SPAG6: variants seen among roughly 807,000 people sequenced by gnomAD.
SPAG6 encodes the protein sperm associated antigen 6.
In SPAG6, 49 loss-of-function variants were observed where a neutral mutation model predicts 58.5. The observed-to-expected ratio is 0.84, with a 90% CI of 0.67 to 1.06. The LOEUF (loss-of-function observed/expected upper bound fraction) is 1.06, where lower values mean the gene tolerates loss of function less well. Ranked by LOEUF, SPAG6 falls within the 50% of genes least tolerant of loss-of-function variation. The probability of loss-of-function intolerance (pLI) is 0.00; values close to 1 mark genes in which losing one functional copy is unlikely to be tolerated. For missense variants in SPAG6, 560 were observed against 611.3 expected (o/e 0.92, Z 0.89); for synonymous variants, 233 against 225.6 (o/e 1.03, Z -0.29).
intron 8 of SPAG6, among the ~76,000 whole-genome samples, chr10:22,398,753 G>A (rs1056683604): frequency 1.3e-5 from 2 of 151,960 alleles, no homozygotes; most frequent in African/African-American, 4.8e-5. Context: ...TTAACATTAA[G>A]AAAATGAAAA....
At chr10:22,366,160 A>G (rs929514543) in intron 3 of SPAG6, among the ~76,000 whole-genome samples, 1 of 152,230 alleles carries the variant, frequency 6.6e-6, no homozygotes, top group Non-Finnish European at 1.5e-5. Context: ...GGTGAAAGCA[A>G]CCTAATCCAA....
At chr10:22,350,459 C>T (rs1195089858) in intron 2 of SPAG6, among the ~76,000 whole-genome samples, 1 of 151,902 alleles carries the variant, frequency 6.6e-6, no homozygotes, top group Non-Finnish European at 1.5e-5. Flanking sequence ...AAAAACTAAG[C>T]TGTAGATGAG....
At chr10:22,372,364 TA>T (rs1460227062) in intron 4 of SPAG6, among the ~76,000 whole-genome samples, 2 of 152,246 alleles carry the variant, frequency 1.3e-5, no homozygotes, top group African/African-American at 4.8e-5. Flanking sequence ...TTCCAAGGAA[TA>T]GTCTTGCTTT....
At chr10:22,385,613 T>C (rs562926600) in intron 4 of SPAG6, among the ~76,000 whole-genome samples, 40 of 152,296 alleles carry the variant, frequency 2.6e-4, no homozygotes, top group African/African-American at 7.5e-4. Flanking sequence ...GTTTATACAA[T>C]ATTGGGACTT....
Position 22,389,264 on chromosome 10 carries a change from T to C in SPAG6, c.957T>C (p.Tyr319=). ...TGCCTGGCATCATGATGCTTGGTTATGTAGCAGCTCATTCTGAGAACCTAG... is the reference window on the plus strand; with the variant it reads ...TGCCTGGCATCATGATGCTTGGTTACGTAGCAGCTCATTCTGAGAACCTAG... ...TRLPGIMMLG[Y]VAAHSENLAM... The change falls in exon 7 of 11, where the codon TAT becomes TAC. Residue 319 remains tyrosine (Y), a synonymous_variant. Coordinates refer to ENST00000376624, the MANE Select transcript of SPAG6 (RefSeq NM_012443.4). 2 of 1,612,842 alleles carry C rather than the reference T, an allele frequency of 1.2e-6. No homozygotes were observed. The highest frequency in any genetic ancestry group is 1.7e-6 in the Non-Finnish European group (2 of 1,179,720).
At chr10:22,352,445 T>C (rs532617172) in intron 2 of SPAG6, among the ~76,000 whole-genome samples, 10 of 152,348 alleles carry the variant, frequency 6.6e-5, no homozygotes, top group African/African-American at 2.2e-4. Flanking sequence ...GTAACTGCTA[T>C]AAATCTGTGA....
At chr10:22,369,785 T>C (rs1330098909) in intron 4 of SPAG6, among the ~76,000 whole-genome samples, 2 of 152,208 alleles carry the variant, frequency 1.3e-5, no homozygotes, top group Non-Finnish European at 2.9e-5. Flanking sequence ...AACATATTAG[T>C]ATTAATAATG....
At chr10:22,357,881 A>C (rs1818927416) in intron 2 of SPAG6, among the ~76,000 whole-genome samples, 1 of 151,888 alleles carries the variant, frequency 6.6e-6, no homozygotes, top group South Asian at 2.1e-4. Context: ...GATGATTTCC[A>C]GCTTCATCCA....
chr10:22,379,548 C>T (rs1833903390), intron 4 of SPAG6, among the ~76,000 whole-genome samples: 1 of 152,138 alleles, frequency 6.6e-6, no homozygotes, highest in African/African-American at 2.4e-5. Context: ...ACTAAAGATT[C>T]CCTTTAACCC....
rs118026206 is a variant in SPAG6 at position 22,349,511 on chromosome 10, G to A, written c.121+3693G>A. Among the ~76,000 whole-genome samples the A allele has an allele frequency of 2.1e-3, 315 of 152,228 alleles. 1 individual carries two copies. The highest frequency in any genetic ancestry group is 3.5e-3 in the Non-Finnish European group (240 of 68,010). ...TAAAATATAAGAAACATGTTTTGTG[G>A]CTTACTGGAACACCAGGCCACTTTT... is the stretch of plus-strand genomic sequence containing the variant. On this transcript the variant is annotated intron_variant, in intron 2 of 10. Transcript: ENST00000376624.
intron 2 of SPAG6, chr10:22,361,223 GT>G (rs1178965375): frequency 4.9e-5 from 9 of 185,266 alleles, no homozygotes; most frequent in African/African-American, 2.1e-4. Flanking sequence ...AATTCTCTTT[GT>G]GCTACTGTCT....
chr10:22,409,984 A>G (rs1450891038), intron 9 of SPAG6, among the ~76,000 whole-genome samples: 2 of 152,028 alleles, frequency 1.3e-5, no homozygotes. Flanking sequence ...CTTACTTGGG[A>G]CACTTTCCTC....
intron 2 of SPAG6, among the ~76,000 whole-genome samples, chr10:22,353,277 TGCAA>T (rs1836782011): frequency 6.6e-6 from 1 of 152,258 alleles, no homozygotes; most frequent in Non-Finnish European, 1.5e-5. Context: ...TGCAGTCTTC[TGCAA>T]ACAGATGGAT....
At chr10:22,356,920 TC>T (rs1836885003) in intron 2 of SPAG6, among the ~76,000 whole-genome samples, 1 of 152,208 alleles carries the variant, frequency 6.6e-6, no homozygotes, top group South Asian at 2.1e-4. Flanking sequence ...ACATCAATGT[TC>T]AGATAAAGTT....
chr10:22,346,483 T>TCTTCTTCTTCTTCTTCTC (rs1836548365), intron 2 of SPAG6, among the ~76,000 whole-genome samples: 1 of 140,032 alleles, frequency 7.1e-6, no homozygotes, highest in Non-Finnish European at 1.5e-5. Flanking sequence ...TTCTTCTTCT[T>TCTTCTTCTTCTTCTTCTC]CTTCTTCTTC....
chr10:22,367,530 A>G (rs1837231497), intron 3 of SPAG6, among the ~76,000 whole-genome samples: 1 of 152,188 alleles, frequency 6.6e-6, no homozygotes, highest in Non-Finnish European at 1.5e-5. Context: ...CAGGTGCTGT[A>G]GTCAACTAGT....
In SPAG6 at chr10:22,386,957, A is replaced by G; in HGVS notation, c.676A>G (p.Lys226Glu). 1 of 1,611,280 alleles carries G rather than the reference A, an allele frequency of 6.2e-7. No homozygotes were observed. The highest frequency in any genetic ancestry group is 8.5e-7 in the Non-Finnish European group (1 of 1,177,920). Residue 226 changes from lysine (K) to glutamate (E), a missense_variant and splice_region_variant, in exon 5 of 11, where the codon AAG becomes GAG. Coordinates refer to ENST00000376624, the MANE Select transcript of SPAG6 (RefSeq NM_012443.4). ...GATCCTGAACCCTGATGCTAAATTGAAGGTATTTCAAAATAAGGTTGAAAA... is the reference window on the plus strand; with the variant it reads ...GATCCTGAACCCTGATGCTAAATTGGAGGTATTTCAAAATAAGGTTGAAAA... ...QMILNPDAKL[K>E]HQILSALSQV...
intron 4 of SPAG6, among the ~76,000 whole-genome samples, chr10:22,383,392 C>T (rs1834001454): frequency 6.6e-6 from 1 of 152,096 alleles, no homozygotes. Context: ...GTAATCCCAG[C>T]ACTTTAGGAG....
chr10:22,391,617 A>T, intron 7 of SPAG6, 112 bp from the exon 8 acceptor site: 1 of 880,332 alleles, frequency 1.1e-6, no homozygotes, highest in Non-Finnish European at 1.7e-6. Flanking sequence ...TGAACCATTT[A>T]AGAAAAAAAG....
Sources: gnomAD v4.1 joint callset for allele counts (sites outside exome capture counted in the v4.1 genomes callset) on GRCh38, gnomAD v4.1.1 for gene constraint, MANE v1.5 for transcripts, NCBI Gene and HGNC (gene_info 2026-07-23, HGNC 2026-07-21) for gene names.